Variants in SHANK2 observed in about 807,000 individuals in gnomAD.
SHANK2 encodes the protein SH3 and multiple ankyrin repeat domains protein 2.
A neutral mutation model predicts 133.7 loss-of-function variants in SHANK2; 43 were observed. That is an observed-to-expected ratio of 0.32 (90% CI 0.25 to 0.41). The LOEUF (loss-of-function observed/expected upper bound fraction) is 0.41, where lower values mean the gene tolerates loss of function less well. Among genes scored for constraint, SHANK2 ranks in the 10% least tolerant of loss-of-function variants. The pLI, the probability that SHANK2 is intolerant of heterozygous loss-of-function variation, is 1.00. For missense variants in SHANK2, 1,994 were observed against 2,235.8 expected (o/e 0.89, Z 2.18); for synonymous variants, 1,017 against 952.8 (o/e 1.07, Z -1.24).
intron 17 of SHANK2, among the ~76,000 whole-genome samples, chr11:70,567,919 C>T (rs1554982225): frequency 6.6e-6 from 1 of 152,204 alleles, no homozygotes; most frequent in Non-Finnish European, 1.5e-5. Flanking sequence ...ATGTATTTGT[C>T]CAACCCAAAC....
chr11:70,560,542 T>TC (rs1554980602), intron 17 of SHANK2, among the ~76,000 whole-genome samples: 6 of 72 alleles, frequency 0.083, no homozygotes, highest in African/African-American at 0.21. Context: ...GTAAAATTCA[T>TC]GGGAAATGCA....
chr11:70,659,822 C>A lies in SHANK2; in HGVS notation c.2061+6G>T. ...AGCAGAAAGATACAGACACCTGTGT[C>A]CCTACCTCAATCAAGAAGTCCCCGG... is the stretch of plus-strand genomic sequence containing the variant. On this transcript the variant is annotated splice_donor_region_variant and intron_variant, in intron 17 of 25. Coordinates refer to ENST00000601538, the MANE Select transcript of SHANK2 (RefSeq NM_012309.5). 2 of 1,614,136 alleles carry A rather than the reference C, an allele frequency of 1.2e-6. No individual in the cohort carries two copies. Among genetic ancestry groups the A allele is most frequent in the Non-Finnish European group, 8.5e-7 (1 of 1,180,026 alleles).
intron 17 of SHANK2, among the ~76,000 whole-genome samples, chr11:70,554,484 A>G (rs924183970): frequency 2.1e-5 from 3 of 139,754 alleles, no homozygotes; most frequent in Non-Finnish European, 4.6e-5. Flanking sequence ...TATATTTTGG[A>G]ACATTTTTGG....
chr11:71,247,663 C>G (rs1278964983), intron 1 of SHANK2, among the ~76,000 whole-genome samples: 2 of 152,162 alleles, frequency 1.3e-5, no homozygotes, highest in South Asian at 2.1e-4. Flanking sequence ...TGATCTTCCT[C>G]TCCCTCTGGG....
At chr11:70,708,493 G>A (rs1024005835) in intron 14 of SHANK2, among the ~76,000 whole-genome samples, 20 of 152,142 alleles carry the variant, frequency 1.3e-4, no homozygotes, top group African/African-American at 2.7e-4. Flanking sequence ...GCCACATGCC[G>A]CAGACATTTC....
Position 70,680,352 on chromosome 11 carries a change from C to T in SHANK2, c.1853+18336G>A, listed in dbSNP as rs1187386213. Among the ~76,000 whole-genome samples, 4 of 152,188 alleles carry T rather than the reference C, an allele frequency of 2.6e-5. No individual in the cohort carries two copies. In the East Asian group the frequency reaches 7.7e-4, roughly 29 times the overall value. On this transcript the variant is annotated intron_variant, in intron 15 of 25. Transcript: ENST00000601538. Reference sequence around the variant, plus strand: ...TCTGGGGGTCCGAGGTCTCACTGGGCTAAGACTGAGGTGTTGGAGGGCGGG... The same window carrying T: ...TCTGGGGGTCCGAGGTCTCACTGGGTTAAGACTGAGGTGTTGGAGGGCGGG...
At chr11:70,793,472 G>C (rs1338039559) in intron 14 of SHANK2, among the ~76,000 whole-genome samples, 2 of 152,154 alleles carry the variant, frequency 1.3e-5, no homozygotes, top group African/African-American at 4.8e-5. Flanking sequence ...CTGATAAACA[G>C]AATATATAAA....
chr11:70,743,283 C>T (rs939819171), intron 14 of SHANK2, among the ~76,000 whole-genome samples: 3 of 152,332 alleles, frequency 2.0e-5, no homozygotes, highest in Non-Finnish European at 2.9e-5. Context: ...CCGAAATCCC[C>T]GGTGTGAGGG....
intron 8 of SHANK2, among the ~76,000 whole-genome samples, chr11:71,078,551 C>A (rs1177122466): frequency 6.6e-6 from 1 of 152,144 alleles, no homozygotes; most frequent in East Asian, 1.9e-4. Flanking sequence ...TACAAAGGAG[C>A]AAAGTAAGGC....
chr11:70,570,354 G>T (rs777440208), intron 17 of SHANK2, among the ~76,000 whole-genome samples: 1 of 152,148 alleles, frequency 6.6e-6, no homozygotes, highest in Admixed American at 6.5e-5. Context: ...AGGCCCCAGC[G>T]CCTCCCTAGG....
chr11:70,764,653 C>T (rs1434799082), intron 14 of SHANK2, among the ~76,000 whole-genome samples: 7 of 151,754 alleles, frequency 4.6e-5, no homozygotes, highest in African/African-American at 1.7e-4. Flanking sequence ...ACATATCCAC[C>T]CACCCACTCA....
At chr11:70,699,679 A>G (rs1211067390) in intron 14 of SHANK2, among the ~76,000 whole-genome samples, 1 of 152,234 alleles carries the variant, frequency 6.6e-6, no homozygotes, top group Non-Finnish European at 1.5e-5. Context: ...TCAAAAGTAA[A>G]TAAGGGAATT....
chr11:70,577,575 G>A (rs925558552), intron 17 of SHANK2, among the ~76,000 whole-genome samples: 4 of 152,194 alleles, frequency 2.6e-5, no homozygotes, highest in Non-Finnish European at 4.4e-5. Flanking sequence ...CCTTTTGCAG[G>A]GGAATCATCC....
intron 2 of SHANK2, among the ~76,000 whole-genome samples, chr11:71,193,749 C>A (rs1041176539): frequency 6.6e-6 from 1 of 152,176 alleles, no homozygotes; most frequent in Non-Finnish European, 1.5e-5. Flanking sequence ...CCCCCGGAGG[C>A]CAGGAGGCCC....
Position 70,724,891 on chromosome 11 carries a change from C to T in SHANK2, c.1778-26128G>A, listed in dbSNP as rs75583432. ...GAAGAAGCAACTTGCAGCTGATGCC[C>T]ATACACCCTACAGGGGAGGAGACAT... On this transcript the variant is annotated intron_variant, in intron 14 of 25. Coordinates refer to ENST00000601538, the MANE Select transcript of SHANK2 (RefSeq NM_012309.5). 1.6e-4 allele frequency among the ~76,000 whole-genome samples: 24 copies of T among 152,278 alleles called. No homozygotes were observed. In the East Asian group the frequency reaches 4.6e-3, roughly 29 times the overall value.
intron 2 of SHANK2, among the ~76,000 whole-genome samples, chr11:71,196,915 T>C (rs946396287): frequency 6.7e-5 from 10 of 149,682 alleles, no homozygotes; most frequent in African/African-American, 2.2e-4. Context: ...TGAGAATTGC[T>C]TGAACCTGGG....
chr11:70,809,870 G>C (rs1413601121), intron 12 of SHANK2, among the ~76,000 whole-genome samples: 2 of 152,164 alleles, frequency 1.3e-5, no homozygotes, highest in Non-Finnish European at 2.9e-5. Context: ...CCTGTCCCTA[G>C]GGATGCCATT....
chr11:70,672,891 G>T (rs1944841309), intron 15 of SHANK2, among the ~76,000 whole-genome samples: 1 of 152,210 alleles, frequency 6.6e-6, no homozygotes, highest in Non-Finnish European at 1.5e-5. Flanking sequence ...TTCTAGTCCT[G>T]GCTCTGGCAA....
At chr11:70,515,691 G>A (rs1033307906) in intron 17 of SHANK2, among the ~76,000 whole-genome samples, 1 of 148,802 alleles carries the variant, frequency 6.7e-6, no homozygotes, top group African/African-American at 2.5e-5. Flanking sequence ...ATGGCAGCAC[G>A]TGGCTGTGGT....
Sources: allele counts gnomAD v4.1 joint callset (sites outside exome capture counted in the v4.1 genomes callset), GRCh38; gene constraint gnomAD v4.1.1; transcripts MANE v1.5; gene names NCBI Gene and HGNC (gene_info 2026-07-23, HGNC 2026-07-21).